The following BCAS3 variants were observed in gnomAD, a reference collection of about 807,000 sequenced individuals.
BCAS3 encodes BCAS4/BCAS3 fusion.
Under a neutral mutation model 116.1 loss-of-function variants are expected in BCAS3, and 53 were observed. The observed-to-expected ratio is 0.46, with a 90% CI of 0.37 to 0.57. BCAS3 has a LOEUF of 0.57. BCAS3 is among the 20% of genes least tolerant of loss of function. BCAS3 has a pLI of 0.00. For missense variants in BCAS3, 917 were observed against 1,165.4 expected, an observed-to-expected ratio of 0.79 and a Z score of 3.10; for synonymous variants, 391 against 408.2, an observed-to-expected ratio of 0.96 and a Z score of 0.51.
chr17:60,977,853 A>G (rs1052021989), intron 14 of BCAS3, among the ~76,000 whole-genome samples: 1 of 146,848 alleles, frequency 6.8e-6, no homozygotes, highest in African/African-American at 2.7e-5. Context: ...ATGGCTGCAT[A>G]GTATTCCATG....
In BCAS3 at chr17:61,343,569, C is replaced by T. The variant is rs2057321910; in HGVS notation, c.2426-24758C>T. Among the ~76,000 whole-genome samples the T allele has an allele frequency of 6.6e-6, 1 of 152,190 alleles. No individual in the cohort carries two copies. The highest frequency in any genetic ancestry group is 1.5e-5 in the Non-Finnish European group (1 of 68,034). On this transcript the variant is annotated intron_variant, in intron 22 of 23. Transcript: ENST00000407086. The surrounding 1 kb of genome is among the most constrained non-coding windows in gnomAD (Gnocchi z 5.5). ...TTTGAAAAACTCACTTGATGTGAGG[C>T]CCCTTGGAGAAGTACTGGTTGAGGA...
chr17:61,064,437 A>G (rs1468165564), intron 19 of BCAS3, among the ~76,000 whole-genome samples: 2 of 152,170 alleles, frequency 1.3e-5, no homozygotes, highest in Admixed American at 6.5e-5. Flanking sequence ...TAGGGCCACT[A>G]AGAAGTAAAA....
At chr17:61,154,250 G>A (rs2077702797) in intron 22 of BCAS3, among the ~76,000 whole-genome samples, 1 of 151,912 alleles carries the variant, frequency 6.6e-6, no homozygotes, top group Non-Finnish European at 1.5e-5. Flanking sequence ...ATGTAATACA[G>A]CCAAGATTGT....
At chr17:60,969,841 C>T (rs1170075916) in intron 14 of BCAS3, among the ~76,000 whole-genome samples, 1 of 152,152 alleles carries the variant, frequency 6.6e-6, no homozygotes, top group African/African-American at 2.4e-5. Context: ...ATTGACTTCT[C>T]ACTGGAAACC....
chr17:60,985,800 G>T (rs562913706), intron 14 of BCAS3, among the ~76,000 whole-genome samples: 21 of 152,286 alleles, frequency 1.4e-4, no homozygotes, highest in African/African-American at 4.3e-4. Flanking sequence ...TCAGTGGCAC[G>T]ATCTCAGCTC....
intron 5 of BCAS3, among the ~76,000 whole-genome samples, chr17:60,712,728 G>A (rs2038087194): frequency 1.3e-5 from 2 of 152,120 alleles, no homozygotes; most frequent in African/African-American, 4.8e-5. Flanking sequence ...AGACTAATGG[G>A]AGAAAAAGCA....
At position 61,046,024 on chromosome 17, in the gene BCAS3, T is replaced by A. The variant is rs61254898; in HGVS notation, c.2029+5132T>A. On this transcript the variant is annotated intron_variant, in intron 19 of 23. Transcript: ENST00000407086. ...ATAATATATATATTTATATATATAT[T>A]ATATATATATTTATATATATATAAT... is the stretch of plus-strand genomic sequence containing the variant. 2.7e-3 allele frequency among the ~76,000 whole-genome samples: 27 copies of A among 10,136 alleles called. 4 individuals carry two copies. The highest frequency in any genetic ancestry group is 0.026 in the African/African-American group (23 of 874). The allele number at this position is 10,136 out of a possible 152,430, so 6.6% of individuals were successfully genotyped here. A position where few individuals can be genotyped will look rare whatever the true frequency, so the allele number is the denominator to read the frequency against.
chr17:60,892,997 T>G (rs2057278150), intron 10 of BCAS3, among the ~76,000 whole-genome samples: 1 of 152,202 alleles, frequency 6.6e-6, no homozygotes, highest in Non-Finnish European at 1.5e-5. Context: ...AAGTTGCATT[T>G]CTCTGAATAT....
At chr17:60,818,003 C>T (rs995591530) in intron 7 of BCAS3, among the ~76,000 whole-genome samples, 5 of 151,788 alleles carry the variant, frequency 3.3e-5, no homozygotes, top group Non-Finnish European at 7.4e-5. Context: ...TACAGACATG[C>T]GCCACCATGC....
At position 61,235,139 on chromosome 17, in the gene BCAS3, G is replaced by A. The variant is rs2082936373; in HGVS notation, c.2426-133188G>A. On this transcript the variant is annotated intron_variant, in intron 22 of 23. Coordinates refer to ENST00000407086, the MANE Select transcript of BCAS3 (RefSeq NM_017679.5). This position sits in a 1 kb window ranked among gnomAD's most constrained non-coding sequence, Gnocchi z 5.0. ...TGACCTAAGATGATCCGCCCACTTC[G>A]GTCTTCCAAAGTGCTGGGATTATAG... is the stretch of plus-strand genomic sequence containing the variant. 6.6e-6 allele frequency among the ~76,000 whole-genome samples: 1 copy of A among 152,252 alleles called. No homozygotes were observed. Among genetic ancestry groups the A allele is most frequent in the Middle Eastern group, 3.4e-3 (1 of 294 alleles).
intron 6 of BCAS3, among the ~76,000 whole-genome samples, chr17:60,775,400 C>T (rs548362673): frequency 6.6e-6 from 1 of 152,182 alleles, no homozygotes; most frequent in Non-Finnish European, 1.5e-5. Context: ...TTTCTTTCCC[C>T]ATGATGCTTT....
chr17:61,079,882 ATTTTTTTTTTTTTTT>A, intron 21 of BCAS3, among the ~76,000 whole-genome samples: 1 of 65,888 alleles, frequency 1.5e-5, no homozygotes, highest in Admixed American at 1.7e-4. Context: ...AGGCATGAGT[ATTTTTTTTTTTTTTT>A]TTTTTTTTTT....
intron 22 of BCAS3, among the ~76,000 whole-genome samples, chr17:61,107,941 A>G (rs564288078): frequency 6.6e-6 from 1 of 152,308 alleles, no homozygotes; most frequent in South Asian, 2.1e-4. Flanking sequence ...CTTCCAAACT[A>G]TTTTCCATAC....
chr17:60,714,540 C>T (rs1027918377), intron 5 of BCAS3, among the ~76,000 whole-genome samples: 1 of 152,080 alleles, frequency 6.6e-6, no homozygotes, highest in African/African-American at 2.4e-5. Context: ...GTAATCCCAG[C>T]TACTTTGGAG....
Position 61,130,027 on chromosome 17 carries a change from T to C in BCAS3, c.2425+45463T>C, listed in dbSNP as rs2076248287. Among the ~76,000 whole-genome samples, 2 of 152,224 alleles carry C rather than the reference T, an allele frequency of 1.3e-5. No individual in the cohort carries two copies. The highest frequency in any genetic ancestry group is 4.8e-5 in the African/African-American group (2 of 41,460). On this transcript the variant is annotated intron_variant, in intron 22 of 23. Coordinates refer to ENST00000407086, the MANE Select transcript of BCAS3 (RefSeq NM_017679.5). This position sits in a 1 kb window ranked among gnomAD's most constrained non-coding sequence, Gnocchi z 5.0. The stretch of plus-strand genomic sequence containing the variant: ...TTTTGTTTATAAAGGCAATGTTGTA[T>C]TCCACAGCATCATTACACACTGCTT...
At chr17:61,107,870 A>T (rs1440990462) in intron 22 of BCAS3, among the ~76,000 whole-genome samples, 3 of 152,264 alleles carry the variant, frequency 2.0e-5, no homozygotes, top group African/African-American at 4.8e-5. Flanking sequence ...CCACTGAGCT[A>T]AAGGCCCACA....
At chr17:60,903,344 C>T (rs2058019123) in intron 11 of BCAS3, among the ~76,000 whole-genome samples, 1 of 152,132 alleles carries the variant, frequency 6.6e-6, no homozygotes, top group African/African-American at 2.4e-5. Context: ...AAAACAAATA[C>T]AAAAATACTT....
chr17:61,335,443 A>G (rs562593088), intron 22 of BCAS3, among the ~76,000 whole-genome samples: 174 of 152,294 alleles, frequency 1.1e-3, no homozygotes, highest in African/African-American at 4.0e-3. Flanking sequence ...ACTCTCAGCA[A>G]TGACGCCAAG....
chr17:60,810,555 C>T, intron 7 of BCAS3: 1 of 869,586 alleles, frequency 1.1e-6, no homozygotes, highest in East Asian at 2.6e-5. Context: ...GCCATTACTT[C>T]AAGACCATCG....
Sources: gnomAD v4.1 joint callset for allele counts (sites outside exome capture counted in the v4.1 genomes callset) on GRCh38, gnomAD v4.1.1 for gene constraint, Gnocchi (gnomAD v3.1) non-coding constraint, MANE v1.5 for transcripts, NCBI Gene and HGNC (gene_info 2026-07-23, HGNC 2026-07-21) for gene names.